The following LYRM4 variants were observed in gnomAD, a reference collection of about 807,000 sequenced individuals.
LYRM4 encodes LYR motif containing 4, also known as LYR motif-containing protein 4.
Under a neutral mutation model 11.7 loss-of-function variants are expected in LYRM4, and 9 were observed. That is an observed-to-expected ratio of 0.77 (90% CI 0.46 to 1.34). The LOEUF (loss-of-function observed/expected upper bound fraction) is 1.34, where lower values mean the gene tolerates loss of function less well. Among genes scored for constraint, LYRM4 ranks in the 40% most tolerant of loss-of-function variants. The probability of loss-of-function intolerance (pLI) is 0.00; values close to 1 mark genes in which losing one functional copy is unlikely to be tolerated. For missense variants in LYRM4, 133 were observed against 112.5 expected (o/e 1.18, Z -0.82); for synonymous variants, 42 against 40.4 (o/e 1.04, Z -0.15).
At chr6:5,209,156 C>G (rs780971379) in intron 2 of LYRM4, among the ~76,000 whole-genome samples, 1 of 152,072 alleles carries the variant, frequency 6.6e-6, no homozygotes, top group Non-Finnish European at 1.5e-5. Context: ...TGCAGTGACG[C>G]GATTTTGGCT....
chr6:5,229,515 G>A lies in LYRM4; in HGVS notation c.87-12777C>T, dbSNP rs533915460. Among the ~76,000 whole-genome samples, 9 of 152,294 alleles carry A rather than the reference G, an allele frequency of 5.9e-5. No homozygotes were observed. The South Asian group carries it at 1.9e-3, about 32-fold the overall frequency. On this transcript the variant is annotated intron_variant, in intron 1 of 2. Coordinates refer to ENST00000330636, the MANE Select transcript of LYRM4 (RefSeq NM_020408.6). Reference sequence around the variant, plus strand: ...CTCTCTCCAGGGCTCAGTGGGTGGTGCAGAATTTCTTCCTCCACAGTTAGA... The same window carrying A: ...CTCTCTCCAGGGCTCAGTGGGTGGTACAGAATTTCTTCCTCCACAGTTAGA...
the LYRM4 span, chr6:5,054,452 C>G: frequency 6.5e-6 from 1 of 153,762 alleles, no homozygotes; most frequent in Non-Finnish European, 1.5e-5. Context: ...ACACCAAATC[C>G]TAAGCCTTTA....
intron 2 of LYRM4, among the ~76,000 whole-genome samples, chr6:5,154,569 G>C (rs536200499): frequency 2.2e-3 from 338 of 152,096 alleles, no homozygotes; most frequent in African/African-American, 7.1e-3. Context: ...GTAATCCCAG[G>C]ACTTTGGGAG....
intron 1 of LYRM4, among the ~76,000 whole-genome samples, chr6:5,230,312 A>G (rs1177371238): frequency 1.3e-5 from 2 of 152,224 alleles, no homozygotes; most frequent in Non-Finnish European, 2.9e-5. Context: ...CTTTCCTCAC[A>G]TCTACATATC....
chr6:5,154,701 C>T (rs141965596), intron 2 of LYRM4, among the ~76,000 whole-genome samples: 1 of 152,142 alleles, frequency 6.6e-6, no homozygotes, highest in East Asian at 1.9e-4. Flanking sequence ...CGCCTGTAGT[C>T]CCAGCTACTC....
the LYRM4 span, among the ~76,000 whole-genome samples, chr6:5,077,017 G>A: frequency 6.6e-6 from 1 of 152,158 alleles, no homozygotes; most frequent in Non-Finnish European, 1.5e-5. Flanking sequence ...GAGCTTCCTC[G>A]AAGGCTCCCC....
chr6:5,032,320 A>G, the LYRM4 span: 1 of 152,252 alleles, frequency 6.6e-6, no homozygotes, highest in Admixed American at 6.5e-5. Flanking sequence ...GTCTGTGTAT[A>G]CAAACTAGCA....
Position 5,171,389 on chromosome 6 carries a change from C to T in LYRM4, c.207+45229G>A, listed in dbSNP as rs548030785. On this transcript the variant is annotated intron_variant, in intron 2 of 2. Coordinates refer to ENST00000330636, the MANE Select transcript of LYRM4 (RefSeq NM_020408.6). ...AGCTCCTATGTTTACAACTGTGAAT[C>T]ACTAAAGCCATTCAGCATCTAACAT... 2.6e-5 allele frequency among the ~76,000 whole-genome samples: 4 copies of T among 152,334 alleles called. No homozygotes were observed. In the South Asian group the frequency reaches 6.2e-4, roughly 24 times the overall value.
At chr6:5,244,446 T>A (rs1293342837) in intron 1 of LYRM4, among the ~76,000 whole-genome samples, 3 of 152,106 alleles carry the variant, frequency 2.0e-5, no homozygotes, top group Admixed American at 1.3e-4. Flanking sequence ...CCTTCCCCCA[T>A]CCCTGCTCGT....
At position 5,108,565 on chromosome 6, in the gene LYRM4, G is replaced by A; in HGVS notation, c.*858C>T. On this transcript the variant is annotated 3_prime_UTR_variant, in exon 3 of 3. Transcript: ENST00000330636. ...CCCCTCACTTACTGAGTCAGAATCT[G>A]CAGAGAGGGAAGTGCTGAGAGATGT... is the stretch of plus-strand genomic sequence containing the variant. 1 of 364,370 alleles carries A rather than the reference G, an allele frequency of 2.7e-6. No individual in the cohort carries two copies. Among genetic ancestry groups the A allele is most frequent in the Non-Finnish European group, 3.8e-6 (1 of 261,944 alleles). 22.6% of individuals were successfully genotyped at this position (364,370 alleles called of 1,614,324 possible).
intron 1 of LYRM4, among the ~76,000 whole-genome samples, chr6:5,235,753 A>G (rs929530339): frequency 1.3e-5 from 2 of 152,104 alleles, no homozygotes; most frequent in Non-Finnish European, 1.5e-5. Flanking sequence ...TGGTTGTGTT[A>G]GTCTTAAGAA....
At chr6:5,050,865 G>A in the LYRM4 span, among the ~76,000 whole-genome samples, 1 of 152,120 alleles carries the variant, frequency 6.6e-6, no homozygotes, top group Non-Finnish European at 1.5e-5. Context: ...AAGACTAGAT[G>A]GTAGACTTAC....
intron 2 of LYRM4, among the ~76,000 whole-genome samples, chr6:5,183,912 A>G (rs1056619681): frequency 5.9e-5 from 9 of 152,258 alleles, no homozygotes; most frequent in African/African-American, 2.2e-4. Context: ...GTGGACCTCG[A>G]ATGTTCTCAC....
chr6:5,202,248 A>G (rs1162754370), intron 2 of LYRM4, among the ~76,000 whole-genome samples: 1 of 152,268 alleles, frequency 6.6e-6, no homozygotes, highest in Non-Finnish European at 1.5e-5. Flanking sequence ...ATTCACATAC[A>G]TAGAATTCTC....
intron 2 of LYRM4, among the ~76,000 whole-genome samples, chr6:5,171,184 A>G (rs1023882121): frequency 5.3e-5 from 8 of 152,228 alleles, no homozygotes; most frequent in African/African-American, 1.7e-4. Context: ...TATTATTACA[A>G]TAACCACAGA....
At chr6:5,046,059 G>T in the LYRM4 span, among the ~76,000 whole-genome samples, 1 of 152,164 alleles carries the variant, frequency 6.6e-6, no homozygotes, top group Non-Finnish European at 1.5e-5. Flanking sequence ...GAGTAAGGAA[G>T]AAGTCTCCAG....
chr6:5,150,100 G>A (rs1312215761), intron 2 of LYRM4, among the ~76,000 whole-genome samples: 1 of 152,178 alleles, frequency 6.6e-6, no homozygotes, highest in Non-Finnish European at 1.5e-5. Context: ...CAGTAAAGCA[G>A]GGTATTAAGA....
At chr6:5,055,566 A>C in the LYRM4 span, among the ~76,000 whole-genome samples, 1 of 151,974 alleles carries the variant, frequency 6.6e-6, no homozygotes, top group Non-Finnish European at 1.5e-5. This position sits in a 1 kb window ranked among gnomAD's most constrained non-coding sequence, Gnocchi z 4.5. Flanking sequence ...ATGCTACCTA[A>C]TATCTGTCCC....
At chr6:5,146,777 A>G (rs1395514001) in intron 2 of LYRM4, among the ~76,000 whole-genome samples, 2 of 152,234 alleles carry the variant, frequency 1.3e-5, no homozygotes, top group East Asian at 3.8e-4. Flanking sequence ...TCAAAAGAAG[A>G]CAAGACTCAG....
Sources: allele counts gnomAD v4.1 joint callset (sites outside exome capture counted in the v4.1 genomes callset), GRCh38; gene constraint gnomAD v4.1.1; non-coding constraint Gnocchi (gnomAD v3.1); transcripts MANE v1.5; gene names NCBI Gene and HGNC (gene_info 2026-07-23, HGNC 2026-07-21).